POLE2: variants seen among roughly 807,000 people sequenced by gnomAD.
POLE2 encodes DNA polymerase epsilon 2, accessory subunit, also known as DNA polymerase epsilon subunit 2.
In POLE2, 56 loss-of-function variants were observed where a neutral mutation model predicts 79.4. The ratio of observed to expected loss-of-function variants is 0.71; its 90% CI spans 0.57 to 0.88. POLE2 has a LOEUF of 0.88. Ranked by LOEUF, POLE2 falls within the 40% of genes least tolerant of loss-of-function variation. The pLI is 0.00. For synonymous variants in POLE2, 212 were observed against 214.0 expected, an observed-to-expected ratio of 0.99 and a Z score of 0.08; for missense variants, 598 against 638.9, an observed-to-expected ratio of 0.94 and a Z score of 0.69.
chr14:49,644,491 CAA>C lies in POLE2; in HGVS notation c.1566-823_1566-822del, dbSNP rs200361272. ...CGCCATTGCACTCCAGCCTGGGCAA[CAA>C]GAGCAAAACTCCGTCTCCAAAAAAA... On this transcript the variant is annotated intron_variant, in intron 18 of 18. Coordinates refer to ENST00000216367, the MANE Select transcript of POLE2 (RefSeq NM_002692.4). 2.7e-3 allele frequency among the ~76,000 whole-genome samples: 389 copies of C among 144,232 alleles called. 6 individuals carry two copies. Among genetic ancestry groups the C allele is most frequent in the African/African-American group, 9.2e-3 (356 of 38,790 alleles). The allele number at this position is 144,232 out of a possible 152,430, so 94.6% of individuals were successfully genotyped here. A position where few individuals can be genotyped will look rare whatever the true frequency, so the allele number is the denominator to read the frequency against.
intron 6 of POLE2, among the ~76,000 whole-genome samples, chr14:49,668,087 C>T (rs549802721): frequency 2.0e-5 from 3 of 152,188 alleles, no homozygotes; most frequent in Non-Finnish European, 4.4e-5. Context: ...GCCTGGCCAA[C>T]ATGGCAAAAC....
intron 15 of POLE2, among the ~76,000 whole-genome samples, chr14:49,652,446 T>A (rs2139616574): frequency 6.6e-6 from 1 of 152,132 alleles, no homozygotes; most frequent in East Asian, 1.9e-4. Flanking sequence ...CATGGTCTGT[T>A]AGGAACTGGA....
At chr14:49,662,312 T>C (rs919198158) in intron 10 of POLE2, among the ~76,000 whole-genome samples, 2 of 152,224 alleles carry the variant, frequency 1.3e-5, no homozygotes, top group African/African-American at 4.8e-5. Flanking sequence ...CTTGTTGTTG[T>C]TGTTGAGACG....
intron 3 of POLE2, among the ~76,000 whole-genome samples, chr14:49,676,340 A>G (rs893637169): frequency 1.3e-5 from 2 of 152,234 alleles, no homozygotes; most frequent in African/African-American, 4.8e-5. Flanking sequence ...GATTCATGCT[A>G]CCCTAGAGGT....
At chr14:49,646,302 G>GTTTTTTTTGTT (rs1883758731) in intron 18 of POLE2, among the ~76,000 whole-genome samples, 17 of 84,580 alleles carry the variant, frequency 2.0e-4, no homozygotes, top group Non-Finnish European at 3.1e-4. Flanking sequence ...TTTTTTGTTG[G>GTTTTTTTTGTT]TTTTTTTTTT....
At chr14:49,679,833 AAC>A in intron 2 of POLE2, 33 bp from the exon 3 acceptor site, 1 of 1,288,924 alleles carries the variant, frequency 7.8e-7, no homozygotes. Context: ...AAAATTTAAA[AAC>A]AAAAAAAAAA....
intron 10 of POLE2, among the ~76,000 whole-genome samples, chr14:49,662,231 C>T (rs1250413276): frequency 6.6e-6 from 1 of 152,138 alleles, no homozygotes; most frequent in Non-Finnish European, 1.5e-5. Context: ...GGCCGCCCTG[C>T]CAGTAAACTC....
chr14:49,650,834 G>A (rs187453306), intron 16 of POLE2, among the ~76,000 whole-genome samples: 1 of 152,138 alleles, frequency 6.6e-6, no homozygotes, highest in Non-Finnish European at 1.5e-5. Flanking sequence ...TCTCAAATGG[G>A]GGTGTATGTA....
intron 17 of POLE2, 32 bp downstream of exon 17, chr14:49,650,233 T>C (rs747389135): frequency 1.1e-5 from 13 of 1,196,838 alleles, no homozygotes; most frequent in South Asian, 1.9e-5. Context: ...TCTTGATAAA[T>C]AATGACTATA....
chr14:49,686,446 T>G (rs1455981385), intron 1 of POLE2, among the ~76,000 whole-genome samples: 1 of 152,122 alleles, frequency 6.6e-6, no homozygotes, highest in East Asian at 1.9e-4. Context: ...AACAACTGAA[T>G]GAGCTTGAAG....
At chr14:49,679,657 G>T in intron 3 of POLE2, 68 bp downstream of exon 3, 1 of 771,530 alleles carries the variant, frequency 1.3e-6, no homozygotes, top group Non-Finnish European at 2.2e-6. Flanking sequence ...AATTTTCCAA[G>T]ACAATAATTA....
chr14:49,687,497 T>C (rs1046154440), intron 1 of POLE2, among the ~76,000 whole-genome samples: 2 of 152,012 alleles, frequency 1.3e-5, no homozygotes, highest in Non-Finnish European at 1.5e-5. Context: ...CTCGGGTCTC[T>C]CATCTTATGT....
intron 10 of POLE2, among the ~76,000 whole-genome samples, chr14:49,660,211 G>GCA (rs1430286289): frequency 6.6e-6 from 1 of 152,178 alleles, no homozygotes; most frequent in Non-Finnish European, 1.5e-5. Context: ...CAGGTTTGTA[G>GCA]CACAGAAGCA....
chr14:49,681,198 C>T (rs1239552395), intron 2 of POLE2: 6 of 169,680 alleles, frequency 3.5e-5, no homozygotes, highest in Admixed American at 1.8e-4. Flanking sequence ...AGGGGAAGAG[C>T]ATTTCTTCTT....
At chr14:49,664,090 T>C (rs1566547599) in intron 9 of POLE2, among the ~76,000 whole-genome samples, 1 of 150,618 alleles carries the variant, frequency 6.6e-6, no homozygotes, top group Non-Finnish European at 1.5e-5. Context: ...GGCTCACGCC[T>C]GTAATCCCAA....
Position 49,679,749 on chromosome 14 carries a change from C to T in POLE2, c.221G>A (p.Cys74Tyr), listed in dbSNP as rs758265986. The change falls in exon 3 of 19, where the codon TGC (cysteine) becomes TAC (tyrosine). Residue 74 changes from cysteine (C) to tyrosine (Y), a missense_variant. Coordinates refer to ENST00000216367, the MANE Select transcript of POLE2 (RefSeq NM_002692.4). ...CATAGTTTCATCAACAGACTGACTGCATTCCTGGACTGCTGCTTCCACCAC... is the reference window on the plus strand; with the variant it reads ...CATAGTTTCATCAACAGACTGACTGTATTCCTGGACTGCTGCTTCCACCAC... ...RSVVEAAVQECSQSVDETIEH... is the reference protein window; with the variant it reads ...RSVVEAAVQEYSQSVDETIEH... The T allele has an allele frequency of 3.7e-6, 6 of 1,602,216 alleles. No homozygotes were observed. Among genetic ancestry groups the T allele is most frequent in the Admixed American group, 3.3e-5 (2 of 59,930 alleles).
chr14:49,663,604 CTTTTCAG>C, intron 9 of POLE2, among the ~76,000 whole-genome samples: 1 of 152,276 alleles, frequency 6.6e-6, no homozygotes, highest in Non-Finnish European at 1.5e-5. Context: ...GAACTTTTCA[CTTTTCAG>C]TTTGGCAGTA....
At chr14:49,654,880 G>T in intron 12 of POLE2, 42 bp from the exon 13 acceptor site, 1 of 1,457,328 alleles carries the variant, frequency 6.9e-7, no homozygotes, top group South Asian at 1.5e-5. Context: ...TGCATATAAT[G>T]CCATAAAATT....
chr14:49,686,922 C>T (rs972421776), intron 1 of POLE2, among the ~76,000 whole-genome samples: 11 of 152,106 alleles, frequency 7.2e-5, no homozygotes, highest in African/African-American at 2.7e-4. Context: ...AATCTACACA[C>T]ACAAAAGCAA....
Sources: gnomAD v4.1 joint callset for allele counts (sites outside exome capture counted in the v4.1 genomes callset) on GRCh38, gnomAD v4.1.1 for gene constraint, MANE v1.5 for transcripts, NCBI Gene and HGNC (gene_info 2026-07-23, HGNC 2026-07-21) for gene names.